The following MYO5B variants were observed in gnomAD, a reference collection of about 807,000 sequenced individuals.
The protein encoded by MYO5B is unconventional myosin-Vb.
In MYO5B, 143 loss-of-function variants were observed where a neutral mutation model predicts 229.3. The ratio of observed to expected loss-of-function variants is 0.62; its 90% CI spans 0.54 to 0.72. MYO5B has a LOEUF of 0.72. MYO5B is among the 30% of genes least tolerant of loss of function. The probability of loss-of-function intolerance (pLI) is 0.00; values close to 1 mark genes in which losing one functional copy is unlikely to be tolerated. For synonymous variants in MYO5B, 918 were observed against 885.2 expected (o/e 1.04, Z -0.66); for missense variants, 2,321 against 2,331.0 (o/e 1.00, Z 0.09).
At chr18:50,086,238 T>C (rs1345509850) in intron 1 of MYO5B, among the ~76,000 whole-genome samples, 3 of 152,160 alleles carry the variant, frequency 2.0e-5, no homozygotes, top group Admixed American at 1.3e-4. Context: ...GTTCCTTCCC[T>C]CTTCCGTTGC....
chr18:50,009,914 G>A (rs1353462340), intron 4 of MYO5B, among the ~76,000 whole-genome samples: 3 of 152,152 alleles, frequency 2.0e-5, no homozygotes, highest in Non-Finnish European at 2.9e-5. Flanking sequence ...GACTGAGCAG[G>A]TCCTGGGTTC....
At chr18:50,108,509 C>T (rs1454459074) in intron 1 of MYO5B, among the ~76,000 whole-genome samples, 6 of 152,138 alleles carry the variant, frequency 3.9e-5, no homozygotes, top group African/African-American at 1.4e-4. Context: ...GCTGAGTCCA[C>T]ACAATTTCAA....
chr18:50,127,902 C>A (rs750196830), intron 1 of MYO5B, among the ~76,000 whole-genome samples: 11 of 152,234 alleles, frequency 7.2e-5, no homozygotes, highest in Non-Finnish European at 1.2e-4. Context: ...GGGAACCCTG[C>A]CTGTTTGAGC....
chr18:50,156,953 C>A (rs2032688334), intron 1 of MYO5B, among the ~76,000 whole-genome samples: 1 of 152,226 alleles, frequency 6.6e-6, no homozygotes, highest in Non-Finnish European at 1.5e-5. Context: ...CTGAGCCACA[C>A]TGATCCCCTG....
At chr18:49,889,748 C>T (rs1368392507) in intron 22 of MYO5B, among the ~76,000 whole-genome samples, 1 of 152,226 alleles carries the variant, frequency 6.6e-6, no homozygotes, top group Non-Finnish European at 1.5e-5. Context: ...ATGACATCAT[C>T]ACCAAGTGGG....
At chr18:50,015,142 CA>C (rs1162630435) in intron 4 of MYO5B, among the ~76,000 whole-genome samples, 2 of 152,310 alleles carry the variant, frequency 1.3e-5, no homozygotes, top group African/African-American at 4.8e-5. Context: ...GGACAGGGAT[CA>C]GGGGGCTGAA....
At chr18:49,995,186 G>A (rs978302509) in intron 5 of MYO5B, among the ~76,000 whole-genome samples, 1 of 151,820 alleles carries the variant, frequency 6.6e-6, no homozygotes, top group Non-Finnish European at 1.5e-5. Context: ...ACACATGTGG[G>A]CAACTTCTCA....
At chr18:50,092,519 TG>T (rs1269700333) in intron 1 of MYO5B, among the ~76,000 whole-genome samples, 1 of 152,178 alleles carries the variant, frequency 6.6e-6, no homozygotes, top group Non-Finnish European at 1.5e-5. Flanking sequence ...ATCAGTTTTT[TG>T]TTTTTTGTTT....
At chr18:50,002,895 GA>G (rs937175998) in intron 4 of MYO5B, among the ~76,000 whole-genome samples, 29 of 152,168 alleles carry the variant, frequency 1.9e-4, no homozygotes, top group African/African-American at 6.8e-4. Context: ...GAGTGGGTTA[GA>G]AAAGAACAGA....
chr18:49,938,097 G>C (rs1886823240), intron 14 of MYO5B, among the ~76,000 whole-genome samples: 1 of 152,148 alleles, frequency 6.6e-6, no homozygotes, highest in Admixed American at 6.5e-5. Context: ...TCATTTCCTT[G>C]TGGTGTGGTA....
At chr18:50,191,252 C>T (rs765691930) in intron 1 of MYO5B, among the ~76,000 whole-genome samples, 2 of 152,098 alleles carry the variant, frequency 1.3e-5, no homozygotes, top group Non-Finnish European at 2.9e-5. Flanking sequence ...GTCTTGGGTC[C>T]CAGAAAATCT....
At chr18:50,114,211 A>T (rs370636462) in intron 1 of MYO5B, among the ~76,000 whole-genome samples, 149 of 152,356 alleles carry the variant, frequency 9.8e-4, no homozygotes, top group African/African-American at 2.8e-3. Context: ...GAAAAAAATT[A>T]AAAAAGGTGG....
Position 49,982,482 on chromosome 18 carries a change from C to T in MYO5B, c.947-1929G>A, listed in dbSNP as rs185947957. The stretch of plus-strand genomic sequence containing the variant: ...GAATCCTAACAATAGTTAGGATCCT[C>T]GCACTACATTGATGAGAACATCCTT... On this transcript the variant is annotated intron_variant, in intron 8 of 39. Coordinates refer to ENST00000285039, the MANE Select transcript of MYO5B (RefSeq NM_001080467.3). Among the ~76,000 whole-genome samples the T allele has an allele frequency of 4.6e-3, 697 of 152,284 alleles. 3 individuals carry two copies. Among genetic ancestry groups the T allele is most frequent in the Non-Finnish European group, 7.1e-3 (485 of 68,024 alleles).
At chr18:50,041,293 A>G (rs2030007557) in intron 2 of MYO5B, among the ~76,000 whole-genome samples, 1 of 152,250 alleles carries the variant, frequency 6.6e-6, no homozygotes, top group Non-Finnish European at 1.5e-5. Flanking sequence ...TGTTTTACAT[A>G]AAACTTTTAG....
At chr18:49,933,461 G>C (rs1040957139) in intron 16 of MYO5B, among the ~76,000 whole-genome samples, 2 of 152,234 alleles carry the variant, frequency 1.3e-5, no homozygotes, top group East Asian at 3.8e-4. Flanking sequence ...AGGTATGATA[G>C]ATGTTTCTTA....
intron 2 of MYO5B, among the ~76,000 whole-genome samples, chr18:50,042,548 G>A (rs970946364): frequency 3.3e-5 from 5 of 152,122 alleles, no homozygotes; most frequent in South Asian, 4.2e-4. Flanking sequence ...TCATGTAGAC[G>A]ATGCAGAAAA....
chr18:49,837,510 C>T lies in MYO5B; in HGVS notation c.5138+7G>A. On this transcript the variant is annotated splice_region_variant and intron_variant, in intron 37 of 39. Transcript: ENST00000285039. ...ATCTGTGTTGTTGGGGGGTGCTCCT[C>T]CCTTACCTGAGTTGCATGCCTGTGC... 1 of 1,613,402 alleles carries T rather than the reference C, an allele frequency of 6.2e-7. No homozygotes were observed. The highest frequency in any genetic ancestry group is 1.1e-5 in the South Asian group (1 of 90,794).
intron 10 of MYO5B, among the ~76,000 whole-genome samples, chr18:49,969,423 G>A (rs538534848): frequency 2.6e-5 from 4 of 152,306 alleles, no homozygotes; most frequent in South Asian, 4.1e-4. Flanking sequence ...CCTACAGAAC[G>A]TGAGGAAATA....
chr18:50,070,065 A>G (rs897983628), intron 1 of MYO5B, among the ~76,000 whole-genome samples: 1 of 132,800 alleles, frequency 7.5e-6, no homozygotes, highest in Non-Finnish European at 1.5e-5. Context: ...TCTGTCACCC[A>G]GGCTGGAGTG....
Sources: allele counts gnomAD v4.1 joint callset (sites outside exome capture counted in the v4.1 genomes callset), GRCh38; gene constraint gnomAD v4.1.1; transcripts MANE v1.5; gene names NCBI Gene and HGNC (gene_info 2026-07-23, HGNC 2026-07-21).